The following ADGRL2 variants were observed in gnomAD, a reference collection of about 807,000 sequenced individuals.
ADGRL2 encodes the protein adhesion G protein-coupled receptor L2.
Under a neutral mutation model 157.4 loss-of-function variants are expected in ADGRL2, and 44 were observed. The observed-to-expected ratio is 0.28, with a 90% CI of 0.22 to 0.36. The LOEUF (loss-of-function observed/expected upper bound fraction) is 0.36, where lower values mean the gene tolerates loss of function less well. ADGRL2 is among the 10% of genes least tolerant of loss of function. The pLI, the probability that ADGRL2 is intolerant of heterozygous loss-of-function variation, is 1.00. For synonymous variants in ADGRL2, 585 were observed against 624.7 expected (o/e 0.94, Z 0.95); for missense variants, 1,510 against 1,768.9 (o/e 0.85, Z 2.63).
chr1:81,896,523 C>A (rs1221096887), intron 2 of ADGRL2, among the ~76,000 whole-genome samples: 1 of 152,006 alleles, frequency 6.6e-6, no homozygotes, highest in Non-Finnish European at 1.5e-5. Flanking sequence ...TTTGAAAAAA[C>A]ATTTTCTGAT....
At position 81,912,069 on chromosome 1, in the gene ADGRL2, T is replaced by A. The variant is rs537671811; in HGVS notation, c.287+4839T>A. On this transcript the variant is annotated intron_variant, in intron 3 of 23. Coordinates refer to ENST00000686636, the MANE Select transcript of ADGRL2 (RefSeq NM_001366006.2). ...ACATTATGATGTTTCTTTTATTTTT[T>A]TTTATTTTTTATTTTTTTTTGAGAT... Among the ~76,000 whole-genome samples the A allele has an allele frequency of 2.9e-3, 438 of 150,258 alleles. 3 individuals carry two copies. Among genetic ancestry groups the A allele is most frequent in the African/African-American group, 0.01 (410 of 40,634 alleles).
chr1:81,744,460 C>T (rs144677262), intron 1 of ADGRL2, among the ~76,000 whole-genome samples: 315 of 152,272 alleles, frequency 2.1e-3, no homozygotes, highest in African/African-American at 6.8e-3. Context: ...AAATTAGCTC[C>T]TGATTCAGGC....
intron 1 of ADGRL2, among the ~76,000 whole-genome samples, chr1:81,307,410 A>C (rs1659419654): frequency 6.6e-6 from 1 of 152,232 alleles, no homozygotes; most frequent in African/African-American, 2.4e-5. Context: ...ATTTTAAAAC[A>C]TACTGAAATG....
chr1:81,331,583 A>G (rs144881305), intron 1 of ADGRL2, among the ~76,000 whole-genome samples: 1 of 152,260 alleles, frequency 6.6e-6, no homozygotes, highest in African/African-American at 2.4e-5. Flanking sequence ...CGCTACTGGA[A>G]AATGATGTTT....
At chr1:81,549,968 GCT>G (rs1279866388) in intron 2 of ADGRL2, among the ~76,000 whole-genome samples, 3 of 152,084 alleles carry the variant, frequency 2.0e-5, no homozygotes, top group South Asian at 4.1e-4. Flanking sequence ...AAAAAGAAAA[GCT>G]TCTTTGTAAG....
chr1:81,982,620 T>C (rs1661986731), intron 19 of ADGRL2, among the ~76,000 whole-genome samples: 1 of 152,072 alleles, frequency 6.6e-6, no homozygotes, highest in African/African-American at 2.4e-5. Context: ...CCTACATATC[T>C]AATGTAGTCG....
At chr1:81,683,642 G>A (rs1047840023) in intron 3 of ADGRL2, among the ~76,000 whole-genome samples, 5 of 151,494 alleles carry the variant, frequency 3.3e-5, no homozygotes, top group East Asian at 1.9e-4. Context: ...TTATGGCTGC[G>A]TAGTATTCCA....
rs572943725 is a variant in ADGRL2, at chr1:81,838,874, T to G, written c.73+1817T>G. ...TTTTGGCTCATCAGGCCAGGGGGTA[T>G]TGCTTCTGAAGCACTTCCCTCCTAC... On this transcript the variant is annotated intron_variant, in intron 2 of 23. Coordinates refer to ENST00000686636, the MANE Select transcript of ADGRL2 (RefSeq NM_001366006.2). Among the ~76,000 whole-genome samples the G allele has an allele frequency of 6.6e-5, 10 of 152,112 alleles. No homozygotes were observed. The South Asian group carries it at 2.1e-3, about 32-fold the overall frequency.
intron 3 of ADGRL2, among the ~76,000 whole-genome samples, chr1:81,603,926 C>T (rs2081381599): frequency 6.6e-6 from 1 of 150,726 alleles, no homozygotes; most frequent in East Asian, 2.0e-4. Flanking sequence ...TTTAACTAGT[C>T]AATCTTTTCA....
chr1:81,905,860 A>G (rs2094573236), intron 2 of ADGRL2, among the ~76,000 whole-genome samples: 1 of 152,078 alleles, frequency 6.6e-6, no homozygotes, highest in African/African-American at 2.4e-5. Flanking sequence ...AATATTTTCT[A>G]TTAAAATAAA....
intron 11 of ADGRL2, among the ~76,000 whole-genome samples, chr1:81,965,079 G>A (rs1451024146): frequency 6.6e-6 from 1 of 152,144 alleles, no homozygotes; most frequent in African/African-American, 2.4e-5. Context: ...GCATTGGCAT[G>A]TTGATCAGGT....
At chr1:81,490,027 A>G (rs1433584495) in intron 2 of ADGRL2, among the ~76,000 whole-genome samples, 5 of 148,166 alleles carry the variant, frequency 3.4e-5, no homozygotes, top group South Asian at 2.2e-4. Flanking sequence ...AAATATCTCA[A>G]TAAAGGTAAA....
chr1:81,622,936 G>C (rs1176946060), intron 3 of ADGRL2, among the ~76,000 whole-genome samples: 1 of 152,158 alleles, frequency 6.6e-6, no homozygotes, highest in Non-Finnish European at 1.5e-5. Context: ...TGAAGCAACT[G>C]TAAAAATGTC....
intron 1 of ADGRL2, among the ~76,000 whole-genome samples, chr1:81,328,532 G>T (rs1173093377): frequency 6.6e-6 from 1 of 152,034 alleles, no homozygotes; most frequent in Non-Finnish European, 1.5e-5. Context: ...CCCTACCCCA[G>T]TAATAGTATC....
chr1:81,533,135 T>C (rs2079645858), intron 2 of ADGRL2, among the ~76,000 whole-genome samples: 1 of 152,048 alleles, frequency 6.6e-6, no homozygotes, highest in South Asian at 2.1e-4. Context: ...TCCCAGAACT[T>C]TGGGAGGCCG....
At chr1:81,435,805 T>A (rs867379961) in intron 1 of ADGRL2, among the ~76,000 whole-genome samples, 1 of 152,166 alleles carries the variant, frequency 6.6e-6, no homozygotes, top group Non-Finnish European at 1.5e-5. Context: ...TAAAAAATCA[T>A]ACATCTTCAG....
At chr1:81,888,027 A>T (rs945788389) in intron 2 of ADGRL2, among the ~76,000 whole-genome samples, 1 of 152,218 alleles carries the variant, frequency 6.6e-6, no homozygotes, top group African/African-American at 2.4e-5. Flanking sequence ...ATACTTAGGC[A>T]TTTGGAATTT....
At chr1:81,477,107 C>T (rs1243941773) in intron 2 of ADGRL2, among the ~76,000 whole-genome samples, 1 of 152,134 alleles carries the variant, frequency 6.6e-6, no homozygotes, top group Non-Finnish European at 1.5e-5. Context: ...CACTAACCCA[C>T]CCTGGAACCA....
intron 1 of ADGRL2, among the ~76,000 whole-genome samples, chr1:81,833,527 C>G (rs540421359): frequency 3.3e-5 from 5 of 152,298 alleles, no homozygotes; most frequent in African/African-American, 1.2e-4. Context: ...GTGTTATACT[C>G]TCTTTCAGTG....
Sources: gnomAD v4.1 joint callset for allele counts (sites outside exome capture counted in the v4.1 genomes callset) on GRCh38, gnomAD v4.1.1 for gene constraint, MANE v1.5 for transcripts, NCBI Gene and HGNC (gene_info 2026-07-23, HGNC 2026-07-21) for gene names.